The following MGAT4C variants were observed in gnomAD, a reference collection of about 807,000 sequenced individuals.
MGAT4C encodes the protein alpha-1,3-mannosyl-glycoprotein 4-beta-N-acetylglucosaminyltransferase C.
A neutral mutation model predicts 40.1 loss-of-function variants in MGAT4C; 19 were observed. The ratio of observed to expected loss-of-function variants is 0.47; its 90% CI spans 0.33 to 0.70. The LOEUF (loss-of-function observed/expected upper bound fraction) is 0.70, where lower values mean the gene tolerates loss of function less well. Among genes scored for constraint, MGAT4C ranks in the 30% least tolerant of loss-of-function variants. The pLI is 0.02. For missense variants in MGAT4C, 491 were observed against 563.2 expected (o/e 0.87, Z 1.30); for synonymous variants, 181 against 187.1 (o/e 0.97, Z 0.27).
At chr12:86,572,891 TAAG>T (rs1287457974) in intron 2 of MGAT4C, among the ~76,000 whole-genome samples, 1 of 152,034 alleles carries the variant, frequency 6.6e-6, no homozygotes, top group African/African-American at 2.4e-5. Flanking sequence ...CCCTTTTTCC[TAAG>T]AATAGCGGAC....
intron 2 of MGAT4C, among the ~76,000 whole-genome samples, chr12:86,698,005 C>T (rs1950287651): frequency 6.6e-6 from 1 of 152,028 alleles, no homozygotes; most frequent in African/African-American, 2.4e-5. Context: ...GTACTCTGTT[C>T]ACCATATTTG....
chr12:86,797,617 A>G lies in MGAT4C; in HGVS notation c.-262+41049T>C, dbSNP rs1276021899. ...TTCCTGCTCTATCTGCTTCTCTTTAATTATGTTTTATCTTCATTTCCTTAG... is the reference window on the plus strand; with the variant it reads ...TTCCTGCTCTATCTGCTTCTCTTTAGTTATGTTTTATCTTCATTTCCTTAG... On this transcript the variant is annotated intron_variant, in intron 1 of 7. Transcript: ENST00000548651. Among the ~76,000 whole-genome samples, 3 of 151,966 alleles carry G rather than the reference A, an allele frequency of 2.0e-5. No individual in the cohort carries two copies. In the East Asian group the frequency reaches 5.8e-4, roughly 29 times the overall value.
chr12:86,494,203 T>C (rs1324926068), intron 2 of MGAT4C, among the ~76,000 whole-genome samples: 1 of 152,034 alleles, frequency 6.6e-6, no homozygotes, highest in Non-Finnish European at 1.5e-5. Flanking sequence ...TTCTTGAATA[T>C]GTCTTTGAAA....
chr12:86,497,295 T>C (rs1287408264), intron 2 of MGAT4C, among the ~76,000 whole-genome samples: 1 of 151,982 alleles, frequency 6.6e-6, no homozygotes, highest in Non-Finnish European at 1.5e-5. Context: ...TTGGAGTATA[T>C]ACCTGTGAGC....
At chr12:86,716,113 A>G in intron 2 of MGAT4C, among the ~76,000 whole-genome samples, 1 of 152,214 alleles carries the variant, frequency 6.6e-6, no homozygotes. Flanking sequence ...AAATAGTCCC[A>G]CTGGTTTTCC....
At chr12:86,105,139 C>A (rs550201997) in intron 1 of MGAT4C, among the ~76,000 whole-genome samples, 33 of 152,156 alleles carry the variant, frequency 2.2e-4, no homozygotes, top group African/African-American at 7.5e-4. Flanking sequence ...ATTACATCAT[C>A]CACATTTTTT....
chr12:86,774,303 CTT>C (rs752244371), intron 1 of MGAT4C, among the ~76,000 whole-genome samples: 2 of 24,844 alleles, frequency 8.1e-5, no homozygotes, highest in Admixed American at 5.2e-4. Context: ...TTCTTTCTTT[CTT>C]TCTTTCTTTC....
rs1480430657 is a variant in MGAT4C, at chr12:86,037,741, T to A, written c.-7+11933A>T. On this transcript the variant is annotated intron_variant, in intron 2 of 4. Coordinates refer to ENST00000611864, the MANE Select transcript of MGAT4C (RefSeq NM_001351288.2). ...GGTCAATTTTAGAATATGTGGGATG[T>A]GGTGCTGAGAAGAATGTATGTTCTG... Among the ~76,000 whole-genome samples, 5 of 149,912 alleles carry A rather than the reference T, an allele frequency of 3.3e-5. No individual in the cohort carries two copies. The East Asian group carries it at 9.6e-4, about 29-fold the overall frequency.
At chr12:86,099,249 G>C (rs1474653073) in intron 1 of MGAT4C, among the ~76,000 whole-genome samples, 4 of 151,380 alleles carry the variant, frequency 2.6e-5, no homozygotes, top group Non-Finnish European at 1.5e-5. Context: ...TTGTCTGTCA[G>C]TGAAGATCGA....
intron 2 of MGAT4C, among the ~76,000 whole-genome samples, chr12:86,602,612 A>G (rs928315147): frequency 3.9e-5 from 6 of 152,196 alleles, no homozygotes; most frequent in Non-Finnish European, 7.3e-5. Flanking sequence ...TCTGAAAAGC[A>G]ATTTCCAACC....
Position 86,734,680 on chromosome 12 carries a change from G to A in MGAT4C, c.-261-7439C>T, listed in dbSNP as rs186952617. ...AAGACCACCGTCTACAAATCAGGAG[G>A]AGTGCCCTCACCGCAAACCAGATCT... On this transcript the variant is annotated intron_variant, in intron 1 of 7. Transcript: ENST00000548651. 3.3e-5 allele frequency among the ~76,000 whole-genome samples: 5 copies of A among 152,084 alleles called. No individual in the cohort carries two copies. In the East Asian group the frequency reaches 7.8e-4, roughly 24 times the overall value.
At chr12:86,154,834 C>T (rs932125511) in intron 1 of MGAT4C, among the ~76,000 whole-genome samples, 6 of 152,112 alleles carry the variant, frequency 3.9e-5, no homozygotes, top group African/African-American at 9.7e-5. Context: ...GAGCTTCCCA[C>T]GTGCCTGATC....
intron 3 of MGAT4C, among the ~76,000 whole-genome samples, chr12:86,343,830 CCATAGCAG>C (rs1954956018): frequency 6.6e-6 from 1 of 152,110 alleles, no homozygotes; most frequent in Non-Finnish European, 1.5e-5. Context: ...TGAAGTTAAG[CCATAGCAG>C]CAGGAAAGCT....
Position 86,246,179 on chromosome 12 carries a change from C to CTT in MGAT4C, c.-57+10058_-57+10059dup, listed in dbSNP as rs57004605. ...ATGAATATCTCCTAGTGTACCATTG[C>CTT]TTTTTTTTTTTTTTTTTTTTTTTTG... On this transcript the variant is annotated intron_variant, in intron 1 of 4. Transcript: ENST00000611864. 7.6e-3 allele frequency among the ~76,000 whole-genome samples: 530 copies of CTT among 70,106 alleles called. 2 individuals are homozygous for CTT. The highest frequency in any genetic ancestry group is 0.015 in the Middle Eastern group (1 of 66). 46.0% of individuals were successfully genotyped at this position (70,106 alleles called of 152,430 possible). A position where few individuals can be genotyped will look rare whatever the true frequency, so the allele number is the denominator to read the frequency against.
chr12:86,211,387 C>A (rs1265910022), intron 1 of MGAT4C, among the ~76,000 whole-genome samples: 1 of 124,364 alleles, frequency 8.0e-6, no homozygotes, highest in African/African-American at 3.1e-5. Context: ...ACAGTGAAAC[C>A]CTGTCTCTAC....
intron 2 of MGAT4C, among the ~76,000 whole-genome samples, chr12:86,475,596 T>C (rs1039514500): frequency 1.2e-4 from 18 of 152,036 alleles, no homozygotes; most frequent in Non-Finnish European, 2.5e-4. Context: ...GCATGAATTA[T>C]ATTTCATTTT....
intron 1 of MGAT4C, among the ~76,000 whole-genome samples, chr12:86,736,894 C>T (rs1431389545): frequency 1.3e-5 from 2 of 151,308 alleles, no homozygotes; most frequent in Admixed American, 6.6e-5. Flanking sequence ...GTGTACATAA[C>T]CTTATCCCTT....
intron 1 of MGAT4C, among the ~76,000 whole-genome samples, chr12:86,189,064 G>A (rs1453698878): frequency 2.6e-5 from 4 of 151,766 alleles, no homozygotes; most frequent in African/African-American, 4.8e-5. Flanking sequence ...TAAGTCAAGC[G>A]ATTATTTTAA....
intron 2 of MGAT4C, among the ~76,000 whole-genome samples, chr12:86,585,975 GT>G (rs1424288091): frequency 6.7e-6 from 1 of 148,756 alleles, no homozygotes; most frequent in African/African-American, 2.5e-5. Context: ...TATACTTTAA[GT>G]TTTAGGGTAC....
Sources: gnomAD v4.1 joint callset for allele counts (sites outside exome capture counted in the v4.1 genomes callset) on GRCh38, gnomAD v4.1.1 for gene constraint, MANE v1.5 for transcripts, NCBI Gene and HGNC (gene_info 2026-07-23, HGNC 2026-07-21) for gene names.